EPCIP: variants seen among roughly 807,000 people sequenced by gnomAD.
EPCIP encodes the protein exosomal polycystin 1 interacting protein, also known as exosomal polycystin-1-interacting protein.
chr21:32,810,873 C>G, the EPCIP span, among the ~76,000 whole-genome samples: 2 of 152,298 alleles, frequency 1.3e-5, no homozygotes, highest in South Asian at 4.1e-4. Flanking sequence ...CACTGTTCCT[C>G]AGCCCTGTGT....
At chr21:32,810,497 G>A in the EPCIP span, 5 of 449,628 alleles carry the variant, frequency 1.1e-5, no homozygotes, top group East Asian at 7.1e-5. Context: ...TCCTGACCTC[G>A]TGATCCGCCC....
chr21:32,796,896 C>T, the EPCIP span: 10 of 453,568 alleles, frequency 2.2e-5, no homozygotes, highest in Non-Finnish European at 4.1e-5. Context: ...GTCTATTCAT[C>T]AGCCCGAACC....
chr21:32,793,962 G>C, the EPCIP span: 3 of 1,614,178 alleles, frequency 1.9e-6, no homozygotes, highest in Admixed American at 3.3e-5. Context: ...AACCACATGG[G>C]CTTCTCTCTG....
the EPCIP span, among the ~76,000 whole-genome samples, chr21:32,804,275 TTATA>T: frequency 1.3e-3 from 182 of 140,960 alleles, 2 homozygotes; most frequent in African/African-American, 4.5e-3. Flanking sequence ...ATGCATGTGA[TTATA>T]TATATATATA....
the EPCIP span, among the ~76,000 whole-genome samples, chr21:32,793,370 G>A: frequency 1.3e-5 from 2 of 152,192 alleles, no homozygotes; most frequent in African/African-American, 4.8e-5. Flanking sequence ...TATTTTGAAA[G>A]AAGATATGTT....
At chr21:32,811,227 T>C in the EPCIP span, among the ~76,000 whole-genome samples, 2 of 151,464 alleles carry the variant, frequency 1.3e-5, no homozygotes, top group Non-Finnish European at 1.5e-5. Context: ...GCATCCCGGA[T>C]TCAAGTAATT....
chr21:32,798,869 A>G, the EPCIP span: 1 of 152,192 alleles, frequency 6.6e-6, no homozygotes, highest in African/African-American at 2.4e-5. Flanking sequence ...AGGCTGAGGC[A>G]GGAGAATCAC....
the EPCIP span, chr21:32,793,602 G>A: frequency 1.2e-5 from 9 of 727,628 alleles, no homozygotes; most frequent in Non-Finnish European, 2.0e-5. Context: ...GCAGAACAGA[G>A]AGCTGGTTAT....
the EPCIP span, among the ~76,000 whole-genome samples, chr21:32,813,018 A>G: frequency 6.6e-6 from 1 of 152,226 alleles, no homozygotes; most frequent in African/African-American, 2.4e-5. Flanking sequence ...TTTTCTAATC[A>G]GCAAACTCTA....
chr21:32,812,034 C>T, the EPCIP span, among the ~76,000 whole-genome samples: 48 of 152,274 alleles, frequency 3.2e-4, no homozygotes, highest in Admixed American at 8.5e-4. Context: ...AATTTCTGTT[C>T]TTAAGTTCAT....
the EPCIP span, among the ~76,000 whole-genome samples, chr21:32,791,991 G>A: frequency 1.3e-5 from 2 of 150,746 alleles, no homozygotes; most frequent in Non-Finnish European, 2.9e-5. Context: ...TGCAACCTCC[G>A]CCTCCCAGGT....
At chr21:32,800,704 T>C in the EPCIP span, among the ~76,000 whole-genome samples, 1 of 151,952 alleles carries the variant, frequency 6.6e-6, no homozygotes, top group Non-Finnish European at 1.5e-5. Context: ...TAATCCCAGC[T>C]ACTCAGGAGG....
At chr21:32,794,941 G>A in the EPCIP span, among the ~76,000 whole-genome samples, 78 of 152,128 alleles carry the variant, frequency 5.1e-4, no homozygotes, top group South Asian at 4.1e-4. Context: ...CCTGGAATTC[G>A]GGAGACAAAC....
chr21:32,796,939 G>A, the EPCIP span: 9 of 470,474 alleles, frequency 1.9e-5, no homozygotes, highest in East Asian at 4.2e-4. Context: ...CCTGTTTCAG[G>A]TGCTGATCCT....
At chr21:32,806,350 G>T in the EPCIP span, among the ~76,000 whole-genome samples, 1 of 152,198 alleles carries the variant, frequency 6.6e-6, no homozygotes, top group Non-Finnish European at 1.5e-5. Context: ...GCAACAGGGA[G>T]CCCCATGGCC....
chr21:32,810,526 G>T, the EPCIP span: 1 of 463,266 alleles, frequency 2.2e-6, no homozygotes, highest in South Asian at 1.6e-5. Flanking sequence ...CTCCCAAACT[G>T]CTGGGATTAC....
the EPCIP span, among the ~76,000 whole-genome samples, chr21:32,795,126 A>G: frequency 6.6e-6 from 1 of 152,176 alleles, no homozygotes; most frequent in African/African-American, 2.4e-5. Flanking sequence ...GCCTCTTACA[A>G]ATGTACCTAG....
the EPCIP span, among the ~76,000 whole-genome samples, chr21:32,805,568 G>T: frequency 2.0e-5 from 3 of 151,982 alleles, no homozygotes; most frequent in Admixed American, 2.0e-4. Flanking sequence ...CACCATGTTG[G>T]CCAGGCTGGT....
At chr21:32,807,419 G>T in the EPCIP span, among the ~76,000 whole-genome samples, 1 of 139,092 alleles carries the variant, frequency 7.2e-6, no homozygotes, top group East Asian at 2.3e-4. Context: ...CACAACCTCC[G>T]CCTCCCGGGT....
Sources: gnomAD v4.1 joint callset for allele counts (sites outside exome capture counted in the v4.1 genomes callset) on GRCh38, gnomAD v4.1.1 for gene constraint, MANE v1.5 for transcripts, NCBI Gene and HGNC (gene_info 2026-07-23, HGNC 2026-07-21) for gene names.